MOB3A: variants seen among roughly 807,000 people sequenced by gnomAD.
MOB3A encodes MOB LAK.
A neutral mutation model predicts 17.8 loss-of-function variants in MOB3A; 17 were observed. The observed-to-expected ratio is 0.95, with a 90% CI of 0.65 to 1.43. MOB3A has a LOEUF of 1.43. Among genes scored for constraint, MOB3A ranks in the 40% most tolerant of loss-of-function variants. The probability of loss-of-function intolerance (pLI) is 0.00; values close to 1 mark genes in which losing one functional copy is unlikely to be tolerated. For missense variants in MOB3A, 333 were observed against 310.8 expected (o/e 1.07, Z -0.54); for synonymous variants, 124 against 133.2 (o/e 0.93, Z 0.48).
intron 1 of MOB3A, among the ~76,000 whole-genome samples, chr19:2,091,071 A>T (rs918739365): frequency 6.6e-5 from 10 of 152,226 alleles, no homozygotes; most frequent in Non-Finnish European, 1.2e-4. Context: ...GGGGAAGAAA[A>T]GGGAGGGAAA....
chr19:2,088,992 G>T (rs982486992), intron 1 of MOB3A, among the ~76,000 whole-genome samples: 3 of 152,180 alleles, frequency 2.0e-5, no homozygotes, highest in Admixed American at 2.0e-4. Context: ...AGGCTCAAAC[G>T]TGTATCTGGC....
chr19:2,090,913 T>C (rs1281741853), intron 1 of MOB3A, among the ~76,000 whole-genome samples: 3 of 152,190 alleles, frequency 2.0e-5, no homozygotes, highest in Non-Finnish European at 2.9e-5. Context: ...CCGCCCACCT[T>C]GGCCTCCCAA....
chr19:2,080,029 G>A (rs886749183), intron 2 of MOB3A, among the ~76,000 whole-genome samples: 1 of 152,142 alleles, frequency 6.6e-6, no homozygotes, highest in Non-Finnish European at 1.5e-5. Context: ...CACACCGCGC[G>A]TGTGCCGGGC....
chr19:2,086,659 G>A (rs1230566873), intron 1 of MOB3A, among the ~76,000 whole-genome samples: 3 of 152,056 alleles, frequency 2.0e-5, no homozygotes, highest in Non-Finnish European at 4.4e-5. Context: ...TGCCTGGCCT[G>A]AGGGTTTACT....
At chr19:2,092,137 AT>A (rs2017621504) in intron 1 of MOB3A, among the ~76,000 whole-genome samples, 1 of 117,662 alleles carries the variant, frequency 8.5e-6, no homozygotes, top group Admixed American at 1.0e-4. Context: ...GTTTCGCTCT[AT>A]CCCCCAGGCT....
chr19:2,090,602 C>T (rs909627198), intron 1 of MOB3A, among the ~76,000 whole-genome samples: 11 of 152,178 alleles, frequency 7.2e-5, no homozygotes, highest in African/African-American at 2.7e-4. Context: ...GTAACAACTT[C>T]CTCCTTCCCT....
In MOB3A at chr19:2,073,383, C is replaced by A; in HGVS notation, c.*12G>T. Reference sequence around the variant, plus strand: ...CAGCGGCGGTTCGGGCACCGGGAGACCCGCGGGGCTCTCAGTGGCACATCC... The same window carrying A: ...CAGCGGCGGTTCGGGCACCGGGAGAACCGCGGGGCTCTCAGTGGCACATCC... On this transcript the variant is annotated 3_prime_UTR_variant, in exon 5 of 5. Coordinates refer to ENST00000357066, the MANE Select transcript of MOB3A (RefSeq NM_130807.3). 6.2e-7 allele frequency: 1 copy of A among 1,613,370 alleles called. No homozygotes were observed. The highest frequency in any genetic ancestry group is 8.5e-7 in the Non-Finnish European group (1 of 1,179,942).
chr19:2,078,296 G>A lies in MOB3A; in HGVS notation c.265C>T (p.Pro89Ser). The change falls in exon 3 of 5, where the codon CCC (proline) becomes TCC (serine). Residue 89 changes from proline (P) to serine (S), a missense_variant. Physicochemically the swap from Pro to Ser is moderately conservative, Grantham distance 74. Transcript: ENST00000357066. ...ISDGCTEQSCPVMSGGPKYEY... is the reference protein window; with the variant it reads ...ISDGCTEQSCSVMSGGPKYEY... ...TACTTGGGGCCCCCCGACATGACGG[G>A]GCAGGACTGCTCCGTGCAGCCGTCG... The A allele has an allele frequency of 6.2e-7, 1 of 1,614,150 alleles. No individual in the cohort carries two copies. Among genetic ancestry groups the A allele is most frequent in the Non-Finnish European group, 8.5e-7 (1 of 1,180,022 alleles).
chr19:2,091,662 G>T (rs1227829003), intron 1 of MOB3A, among the ~76,000 whole-genome samples: 1 of 151,844 alleles, frequency 6.6e-6, no homozygotes, highest in Admixed American at 6.6e-5. Context: ...GGGATTACAG[G>T]CGTGAGCTAC....
At position 2,073,263 on chromosome 19, in the gene MOB3A, C is replaced by A; in HGVS notation, c.*132G>T. The A allele has an allele frequency of 8.6e-7, 1 of 1,159,904 alleles. No individual in the cohort carries two copies. The highest frequency in any genetic ancestry group is 2.3e-5 in the East Asian group (1 of 42,588). The allele number at this position is 1,159,904 out of a possible 1,614,324, so 71.9% of individuals were successfully genotyped here. ...TGGAGCTCCTGAGGACCAACACCTG[C>A]TCAGCGGCTCGGCCCCTGGTCTCCC... On this transcript the variant is annotated 3_prime_UTR_variant, in exon 5 of 5. Coordinates refer to ENST00000357066, the MANE Select transcript of MOB3A (RefSeq NM_130807.3).
rs565047840 is a variant in MOB3A at position 2,092,162 on chromosome 19, G to A, written c.-274+4064C>T. 2.0e-5 allele frequency among the ~76,000 whole-genome samples: 3 copies of A among 146,868 alleles called. No homozygotes were observed. In the South Asian group the frequency reaches 6.6e-4, roughly 32 times the overall value. ...ATCCCCCAGGCTGGAGTGCAGTGGT[G>A]CAATCACGGCTCACTGCAGCCTCAA... On this transcript the variant is annotated intron_variant, in intron 1 of 4. Transcript: ENST00000357066.
At chr19:2,077,988 T>G in intron 3 of MOB3A, 152 bp downstream of exon 3, 1 of 760,010 alleles carries the variant, frequency 1.3e-6, no homozygotes. Context: ...TCTTGCTATG[T>G]TGCCCAGGCT....
intron 2 of MOB3A, among the ~76,000 whole-genome samples, chr19:2,081,115 G>A (rs1187191253): frequency 6.6e-6 from 1 of 151,976 alleles, no homozygotes; most frequent in Non-Finnish European, 1.5e-5. Flanking sequence ...GTAAGACCCT[G>A]TCTCAAAAAA....
At chr19:2,075,517 TC>T (rs2017393733) in intron 4 of MOB3A, among the ~76,000 whole-genome samples, 1 of 152,018 alleles carries the variant, frequency 6.6e-6, no homozygotes, top group Non-Finnish European at 1.5e-5. Context: ...TCCCAGCTAC[TC>T]GGAGGCTGGT....
rs1298329069 is a variant in MOB3A, at chr19:2,072,037, G to A, written c.*1358C>T. On this transcript the variant is annotated 3_prime_UTR_variant, in exon 5 of 5. Transcript: ENST00000357066. The stretch of plus-strand genomic sequence containing the variant: ...TACTAAAATACAAAAAAATTAGCCG[G>A]GTGTGACGGTGGGTGCCTGTAGTCC... 6.6e-6 allele frequency: 1 copy of A among 152,202 alleles called. No homozygotes were observed. The highest frequency in any genetic ancestry group is 1.5e-5 in the Non-Finnish European group (1 of 68,114). The allele number at this position is 152,202 out of a possible 1,614,324, so 9.4% of individuals were successfully genotyped here.
At position 2,078,239 on chromosome 19, in the gene MOB3A, G is replaced by C. The variant is rs200952352; in HGVS notation, c.322C>G (p.Arg108Gly). 1.2e-6 allele frequency: 2 copies of C among 1,613,920 alleles called. No homozygotes were observed. The highest frequency in any genetic ancestry group is 1.7e-6 in the Non-Finnish European group (2 of 1,179,880). ...EYRWQDEHKFRKPTALSAPRY... is the reference protein window; with the variant it reads ...EYRWQDEHKFGKPTALSAPRY... ...GGCGCGGAGAGTGCCGTGGGCTTCC[G>C]GAACTTATGCTCATCCTGCCAGCGG... The change falls in exon 3 of 5, where the codon CGG (arginine) becomes GGG (glycine). Residue 108 changes from arginine (R) to glycine (G), a missense_variant. Coordinates refer to ENST00000357066, the MANE Select transcript of MOB3A (RefSeq NM_130807.3).
chr19:2,075,661 A>G (rs1318641453), intron 4 of MOB3A, among the ~76,000 whole-genome samples: 1 of 152,154 alleles, frequency 6.6e-6, no homozygotes, highest in Non-Finnish European at 1.5e-5. Flanking sequence ...GGTCCCCATC[A>G]CCGAGACACA....
rs755605847 is a variant in MOB3A, at chr19:2,073,372, G to A, written c.*23C>T. 6.2e-7 allele frequency: 1 copy of A among 1,612,950 alleles called. No homozygotes were observed. Among genetic ancestry groups the A allele is most frequent in the East Asian group, 2.2e-5 (1 of 44,868 alleles). ...CTCCGAGGCCCCAGCGGCGGTTCGGGCACCGGGAGACCCGCGGGGCTCTCA... is the reference window on the plus strand; with the variant it reads ...CTCCGAGGCCCCAGCGGCGGTTCGGACACCGGGAGACCCGCGGGGCTCTCA... On this transcript the variant is annotated 3_prime_UTR_variant, in exon 5 of 5. Coordinates refer to ENST00000357066, the MANE Select transcript of MOB3A (RefSeq NM_130807.3).
chr19:2,077,672 C>T (rs1338374977), intron 3 of MOB3A, among the ~76,000 whole-genome samples: 1 of 152,102 alleles, frequency 6.6e-6, no homozygotes, highest in Admixed American at 6.6e-5. Flanking sequence ...AGGCCTGATG[C>T]TGATCCTGTC....
Sources: allele counts gnomAD v4.1 joint callset (sites outside exome capture counted in the v4.1 genomes callset), GRCh38; gene constraint gnomAD v4.1.1; transcripts MANE v1.5; gene names NCBI Gene and HGNC (gene_info 2026-07-23, HGNC 2026-07-21).